Variants in PCSK5 observed in about 807,000 individuals in gnomAD.
PCSK5 encodes the protein prohormone convertase 5.
A neutral mutation model predicts 233.2 loss-of-function variants in PCSK5; 129 were observed. The ratio of observed to expected loss-of-function variants is 0.55; its 90% CI spans 0.48 to 0.64. The LOEUF is 0.64. Ranked by LOEUF, PCSK5 falls within the 30% of genes least tolerant of loss-of-function variation. The probability of loss-of-function intolerance (pLI) is 0.00; values close to 1 mark genes in which losing one functional copy is unlikely to be tolerated. For synonymous variants in PCSK5, 825 were observed against 879.2 expected (o/e 0.94, Z 1.09); for missense variants, 2,076 against 2,430.1 (o/e 0.85, Z 3.06).
chr9:76,159,714 C>A lies in PCSK5; in HGVS notation c.1619+543C>A, dbSNP rs781493366. Among the ~76,000 whole-genome samples the A allele has an allele frequency of 5.9e-5, 9 of 151,972 alleles. No homozygotes were observed. The South Asian group carries it at 6.2e-4, about 11-fold the overall frequency. On this transcript the variant is annotated intron_variant, in intron 12 of 37. Transcript: ENST00000674117. The stretch of plus-strand genomic sequence containing the variant: ...TAGACAATATAAATGAATACGGGTG[C>A]CTGTGTGCCAAATCAAACTTCACTT...
At chr9:75,949,340 G>A (rs1824736092) in intron 2 of PCSK5, among the ~76,000 whole-genome samples, 1 of 151,658 alleles carries the variant, frequency 6.6e-6, no homozygotes, top group Admixed American at 6.6e-5. Flanking sequence ...CATTTGAAAG[G>A]ATTTAAGGTG....
At chr9:75,964,890 C>T (rs1026304024) in intron 2 of PCSK5, among the ~76,000 whole-genome samples, 4 of 148,588 alleles carry the variant, frequency 2.7e-5, no homozygotes, top group Admixed American at 6.8e-5. Context: ...ATGCCAATGG[C>T]GGGGGTGGGG....
intron 20 of PCSK5, among the ~76,000 whole-genome samples, chr9:76,197,142 G>A (rs1306364138): frequency 2.6e-5 from 4 of 152,200 alleles, no homozygotes; most frequent in Non-Finnish European, 4.4e-5. Context: ...AGGGAAGTAA[G>A]ATGTTCTCAT....
chr9:76,285,100 A>T (rs537553311), intron 24 of PCSK5, among the ~76,000 whole-genome samples: 1 of 152,250 alleles, frequency 6.6e-6, no homozygotes, highest in Non-Finnish European at 1.5e-5. Context: ...GAGATTGGAG[A>T]GTGGCTGATG....
chr9:76,060,117 A>C (rs1287619445), intron 5 of PCSK5, among the ~76,000 whole-genome samples: 1 of 152,196 alleles, frequency 6.6e-6, no homozygotes, highest in Non-Finnish European at 1.5e-5. Context: ...TATGAGCTGC[A>C]AAAAGAAACA....
At chr9:76,353,398 A>T (rs1453267226) in intron 36 of PCSK5, among the ~76,000 whole-genome samples, 4 of 152,230 alleles carry the variant, frequency 2.6e-5, no homozygotes, top group Non-Finnish European at 5.9e-5. Flanking sequence ...ACAATAATCC[A>T]GTAACCACAG....
intron 24 of PCSK5, among the ~76,000 whole-genome samples, chr9:76,267,025 C>T (rs1827354426): frequency 6.6e-6 from 1 of 152,214 alleles, no homozygotes; most frequent in African/African-American, 2.4e-5. Context: ...TTACCCATGA[C>T]TTGAAAATAG....
At chr9:76,015,716 C>T (rs1237846390) in intron 3 of PCSK5, among the ~76,000 whole-genome samples, 1 of 152,174 alleles carries the variant, frequency 6.6e-6, no homozygotes, top group Non-Finnish European at 1.5e-5. Flanking sequence ...CTTTCTTCCC[C>T]AGTTATACAG....
chr9:76,322,953 A>G, intron 31 of PCSK5, 99 bp from the exon 32 acceptor site: 1 of 689,274 alleles, frequency 1.5e-6, no homozygotes, highest in Non-Finnish European at 2.5e-6. Context: ...TCTCAGGTCA[A>G]ATCAACCAAA....
intron 20 of PCSK5, among the ~76,000 whole-genome samples, chr9:76,218,216 T>C (rs990898477): frequency 1.3e-5 from 2 of 152,192 alleles, no homozygotes; most frequent in African/African-American, 4.8e-5. Context: ...CTCTGGAATT[T>C]TCCACAGCAC....
intron 9 of PCSK5, among the ~76,000 whole-genome samples, chr9:76,109,803 C>T (rs1832135672): frequency 6.6e-6 from 1 of 152,138 alleles, no homozygotes; most frequent in East Asian, 1.9e-4. Flanking sequence ...CAATCTTTGC[C>T]TGTAAAGTGA....
In PCSK5 at chr9:76,323,932, A is replaced by ATTTTTTTTTTTTTTTT. The variant is rs60451634; in HGVS notation, c.4339+645_4339+660dup. Among the ~76,000 whole-genome samples, 2 of 139,406 alleles carry ATTTTTTTTTTTTTTTT rather than the reference A, an allele frequency of 1.4e-5. 1 individual carries two copies. The highest frequency in any genetic ancestry group is 3.1e-5 in the Non-Finnish European group (2 of 65,110). 91.5% of individuals were successfully genotyped at this position (139,406 alleles called of 152,430 possible). A position where few individuals can be genotyped will look rare whatever the true frequency, so the allele number is the denominator to read the frequency against. On this transcript the variant is annotated intron_variant, in intron 32 of 37. Coordinates refer to ENST00000674117, the MANE Select transcript of PCSK5 (RefSeq NM_001372043.1). ...TGCCTCTTGTCTCCCTTCCTGGGTG[A>ATTTTTTTTTTTTTTTT]TTTTTTTTTTTTTTTTGAGACAGAG...
At chr9:76,309,086 C>G (rs1196062795) in intron 29 of PCSK5, among the ~76,000 whole-genome samples, 2 of 152,044 alleles carry the variant, frequency 1.3e-5, no homozygotes, top group African/African-American at 4.8e-5. Context: ...GGCATGGTGG[C>G]ATGTCCCTGT....
At chr9:76,299,900 TCCC>T (rs947400837) in intron 27 of PCSK5, among the ~76,000 whole-genome samples, 1 of 152,142 alleles carries the variant, frequency 6.6e-6, no homozygotes, top group Non-Finnish European at 1.5e-5. Flanking sequence ...TTAAGTGGTT[TCCC>T]CCGGTAGTGC....
chr9:76,356,834 G>C (rs962990850), intron 37 of PCSK5, among the ~76,000 whole-genome samples: 3 of 152,164 alleles, frequency 2.0e-5, no homozygotes, highest in African/African-American at 2.4e-5. Context: ...TATCTAGAAT[G>C]AATATACCTA....
intron 2 of PCSK5, among the ~76,000 whole-genome samples, chr9:75,983,079 A>G (rs1400521375): frequency 6.6e-6 from 1 of 151,884 alleles, no homozygotes; most frequent in Non-Finnish European, 1.5e-5. Context: ...GTATTCTTAC[A>G]TGTTTTGGGT....
rs562000326 is a variant in PCSK5, at chr9:76,233,952, C to T, written c.2866+356C>T. ...AAGACCTGGGGAATTAAGAAAGACACGTTCTGTCTTTAAGGGAAGTATGCC... is the reference window on the plus strand; with the variant it reads ...AAGACCTGGGGAATTAAGAAAGACATGTTCTGTCTTTAAGGGAAGTATGCC... On this transcript the variant is annotated intron_variant, in intron 22 of 37. Coordinates refer to ENST00000674117, the MANE Select transcript of PCSK5 (RefSeq NM_001372043.1). Among the ~76,000 whole-genome samples, 6 of 152,196 alleles carry T rather than the reference C, an allele frequency of 3.9e-5. No individual in the cohort carries two copies. In the East Asian group the frequency reaches 7.7e-4, roughly 20 times the overall value.
chr9:76,158,521 T>C (rs899040192), intron 11 of PCSK5, among the ~76,000 whole-genome samples: 2 of 152,114 alleles, frequency 1.3e-5, no homozygotes, highest in African/African-American at 4.8e-5. Context: ...GCTGGTGGGT[T>C]ACAGAGCAAG....
intron 2 of PCSK5, among the ~76,000 whole-genome samples, chr9:75,934,499 C>T (rs2131287555): frequency 6.6e-6 from 1 of 151,260 alleles, no homozygotes; most frequent in South Asian, 2.1e-4. Context: ...CAGGGAAGAC[C>T]ATCCAGGACA....
Sources: allele counts gnomAD v4.1 joint callset (sites outside exome capture counted in the v4.1 genomes callset), GRCh38; gene constraint gnomAD v4.1.1; transcripts MANE v1.5; gene names NCBI Gene and HGNC (gene_info 2026-07-23, HGNC 2026-07-21).